The following CEP83 variants were observed in gnomAD, a reference collection of about 807,000 sequenced individuals.
CEP83 encodes the protein centrosomal protein 83.
In CEP83, 70 loss-of-function variants were observed where a neutral mutation model predicts 101.9. The observed-to-expected ratio is 0.69, with a 90% confidence interval of 0.57 to 0.84. CEP83 has a LOEUF of 0.84. Among genes scored for constraint, CEP83 ranks in the 40% least tolerant of loss-of-function variants. The pLI, the probability that CEP83 is intolerant of heterozygous loss-of-function variation, is 0.00. For missense variants in CEP83, 715 were observed against 787.2 expected (o/e 0.91, Z 1.10); for synonymous variants, 264 against 267.9 (o/e 0.99, Z 0.14).
chr12:94,375,846 A>G, intron 8 of CEP83, 40 bp downstream of exon 8: 1 of 1,165,114 alleles, frequency 8.6e-7, no homozygotes, highest in Admixed American at 2.8e-5. Flanking sequence ...TATACTAACA[A>G]ACATTCTAAA....
At chr12:94,282,915 G>A in the CEP83 span, 1 of 153,920 alleles carries the variant, frequency 6.5e-6, no homozygotes, top group Admixed American at 6.4e-5. Context: ...TGAGTGCCGA[G>A]GGCGGTGAGG....
At chr12:94,291,696 C>T in the CEP83 span, among the ~76,000 whole-genome samples, 1 of 152,206 alleles carries the variant, frequency 6.6e-6, no homozygotes, top group Non-Finnish European at 1.5e-5. Context: ...CCTTATTTCC[C>T]CCAGCCCTGC....
chr12:94,443,162 G>A (rs1298860225), intron 1 of CEP83, among the ~76,000 whole-genome samples: 3 of 152,112 alleles, frequency 2.0e-5, no homozygotes, highest in South Asian at 2.1e-4. Context: ...ACATTTTGCT[G>A]CCCCACAGGA....
rs1247905361 is a variant in CEP83 at position 94,315,921 on chromosome 12, T to A, written c.1708-2904A>T. On this transcript the variant is annotated intron_variant, in intron 14 of 16. Coordinates refer to ENST00000397809, the MANE Select transcript of CEP83 (RefSeq NM_016122.3). ...AATTACTGTAGCTTATATTTAGTGTTGATACCTGGTAGTTTTAAGTCCTCT... is the reference window on the plus strand; with the variant it reads ...AATTACTGTAGCTTATATTTAGTGTAGATACCTGGTAGTTTTAAGTCCTCT... Among the ~76,000 whole-genome samples the A allele has an allele frequency of 2.0e-5, 3 of 152,174 alleles. No homozygotes were observed. The East Asian group carries it at 5.8e-4, about 29-fold the overall frequency.
intron 6 of CEP83, among the ~76,000 whole-genome samples, chr12:94,380,820 C>T (rs961378461): frequency 6.6e-6 from 1 of 152,118 alleles, no homozygotes; most frequent in African/African-American, 2.4e-5. Flanking sequence ...ACACAGTTCA[C>T]AATGTTCTTG....
intron 4 of CEP83, among the ~76,000 whole-genome samples, chr12:94,404,533 T>C (rs748984106): frequency 1.3e-5 from 2 of 152,122 alleles, no homozygotes; most frequent in South Asian, 2.1e-4. Context: ...TGCACACTGG[T>C]AGAAATATCT....
chr12:94,283,151 G>A, the CEP83 span, among the ~76,000 whole-genome samples: 2 of 117,360 alleles, frequency 1.7e-5, no homozygotes, highest in Non-Finnish European at 3.6e-5. Context: ...TGGGGAAGGA[G>A]TGCAAAAAAG....
At chr12:94,358,542 A>G (rs2136897288) in intron 11 of CEP83, among the ~76,000 whole-genome samples, 1 of 152,322 alleles carries the variant, frequency 6.6e-6, no homozygotes, top group Admixed American at 6.5e-5. Flanking sequence ...CTTTAGAGAA[A>G]TTAGTTGCTG....
chr12:94,386,741 C>A (rs537109379), intron 6 of CEP83, among the ~76,000 whole-genome samples: 44 of 152,246 alleles, frequency 2.9e-4, no homozygotes, highest in African/African-American at 1.1e-3. Context: ...AGCAGAAATC[C>A]CCAGACTACT....
intron 1 of CEP83, among the ~76,000 whole-genome samples, chr12:94,443,183 AGAGTCAATTAAGTTTACAGACCCC>A (rs2066542450): frequency 6.6e-6 from 1 of 151,974 alleles, no homozygotes; most frequent in Non-Finnish European, 1.5e-5. Flanking sequence ...CCCCTTTGCT[AGAGTCAATTAAGTTTACAGACCCC>A]CAGGACCCCT....
rs2065063233 is a variant in CEP83, at chr12:94,424,882, C to T, written c.-102+10393G>A. The T allele has an allele frequency of 1.9e-6, 3 of 1,600,590 alleles. No homozygotes were observed. In the Admixed American group the frequency reaches 5.0e-5, roughly 27 times the overall value. ...TGCTTGGGCTAGGTGGTGCCATCTGCTGAGCCAATGACACATATGGCTTCT... is the reference window on the plus strand; with the variant it reads ...TGCTTGGGCTAGGTGGTGCCATCTGTTGAGCCAATGACACATATGGCTTCT... On this transcript the variant is annotated intron_variant, in intron 2 of 16. Transcript: ENST00000397809.
chr12:94,361,763 A>C (rs1053109428), intron 11 of CEP83, among the ~76,000 whole-genome samples: 5 of 151,366 alleles, frequency 3.3e-5, no homozygotes, highest in Non-Finnish European at 5.9e-5. Context: ...GTGCAATGGC[A>C]TGGTCTCGGC....
chr12:94,406,349 AAACAACAAC>A (rs201551331), intron 4 of CEP83, among the ~76,000 whole-genome samples: 3 of 151,476 alleles, frequency 2.0e-5, no homozygotes, highest in Non-Finnish European at 2.9e-5. Flanking sequence ...AACAAAACAA[AAACAACAAC>A]AACAACAACA....
At chr12:94,396,209 G>T (rs1445950671) in intron 6 of CEP83, among the ~76,000 whole-genome samples, 1 of 149,882 alleles carries the variant, frequency 6.7e-6, no homozygotes, top group East Asian at 1.9e-4. Flanking sequence ...GACTATATAT[G>T]CAACTTCAGC....
intron 2 of CEP83, among the ~76,000 whole-genome samples, chr12:94,428,477 A>T (rs1211876771): frequency 6.6e-6 from 1 of 152,232 alleles, no homozygotes. Flanking sequence ...TTTTAAATAA[A>T]TCCTGATTTA....
chr12:94,281,679 C>A, the CEP83 span, among the ~76,000 whole-genome samples: 1 of 152,176 alleles, frequency 6.6e-6, no homozygotes, highest in Non-Finnish European at 1.5e-5. Flanking sequence ...CCTCCGCCTC[C>A]CAAAGTATTG....
chr12:94,284,362 AC>A, the CEP83 span, among the ~76,000 whole-genome samples: 1 of 152,176 alleles, frequency 6.6e-6, no homozygotes, highest in East Asian at 1.9e-4. Context: ...AGTTCAGTCT[AC>A]ATCCAGAAAT....
the CEP83 span, chr12:94,298,777 A>G: frequency 1.9e-6 from 3 of 1,610,842 alleles, no homozygotes; most frequent in Non-Finnish European, 2.5e-6. Flanking sequence ...GACGTCGTAC[A>G]TATTTGGAAA....
At chr12:94,269,392 AGTCT>A in the CEP83 span, among the ~76,000 whole-genome samples, 1 of 152,218 alleles carries the variant, frequency 6.6e-6, no homozygotes, top group African/African-American at 2.4e-5. Flanking sequence ...AGCCTACCCC[AGTCT>A]GTCTCTTTCT....
Sources: allele counts gnomAD v4.1 joint callset (sites outside exome capture counted in the v4.1 genomes callset), GRCh38; gene constraint gnomAD v4.1.1; transcripts MANE v1.5; gene names NCBI Gene and HGNC (gene_info 2026-07-23, HGNC 2026-07-21).